Variants in PRKAR2A observed in about 807,000 individuals in gnomAD.
PRKAR2A encodes cAMP-dependent protein kinase type II-alpha regulatory subunit.
PRKAR2A carries 29 observed loss-of-function variants against 51.9 expected under a neutral mutation model. The ratio of observed to expected loss-of-function variants is 0.56; its 90% CI spans 0.42 to 0.76. The LOEUF (loss-of-function observed/expected upper bound fraction) is 0.76, where lower values mean the gene tolerates loss of function less well. Ranked by LOEUF, PRKAR2A falls within the 30% of genes least tolerant of loss-of-function variation. The probability of loss-of-function intolerance (pLI) is 0.00; values close to 1 mark genes in which losing one functional copy is unlikely to be tolerated. For synonymous variants in PRKAR2A, 178 were observed against 186.2 expected, an observed-to-expected ratio of 0.96 and a Z score of 0.36; for missense variants, 445 against 512.1, an observed-to-expected ratio of 0.87 and a Z score of 1.26.
intron 6 of PRKAR2A, 41 bp from the exon 7 acceptor site, chr3:48,765,390 A>C: frequency 7.3e-7 from 1 of 1,369,980 alleles, no homozygotes; most frequent in Non-Finnish European, 1.0e-6. Flanking sequence ...ATGCCTATAT[A>C]CAGGAACATC....
At chr3:48,845,038 A>C (rs971927280) in intron 1 of PRKAR2A, among the ~76,000 whole-genome samples, 1 of 152,180 alleles carries the variant, frequency 6.6e-6, no homozygotes, top group Non-Finnish European at 1.5e-5. Context: ...CTAAAATCCT[A>C]AAGTGTTGTG....
At position 48,791,230 on chromosome 3, in the gene PRKAR2A, T is replaced by C. The variant is rs550769416; in HGVS notation, c.352-603A>G. Among the ~76,000 whole-genome samples, 15 of 122,970 alleles carry C rather than the reference T, an allele frequency of 1.2e-4. No homozygotes were observed. In the East Asian group the frequency reaches 1.6e-3, roughly 13 times the overall value. 80.7% of individuals were successfully genotyped at this position (122,970 alleles called of 152,430 possible). On this transcript the variant is annotated intron_variant, in intron 3 of 10. Coordinates refer to ENST00000265563, the MANE Select transcript of PRKAR2A (RefSeq NM_004157.4). ...TGAACCATGGAGTCGGAGGTTGCAG[T>C]GAGCCAAGATTGTGCCACTGCAGTC...
intron 3 of PRKAR2A, among the ~76,000 whole-genome samples, chr3:48,792,975 G>C (rs1396998667): frequency 6.7e-6 from 1 of 150,304 alleles, no homozygotes; most frequent in Non-Finnish European, 1.5e-5. Context: ...TTGTACAGAA[G>C]TTTAAAACAC....
intron 2 of PRKAR2A, among the ~76,000 whole-genome samples, chr3:48,800,330 C>T (rs1295720252): frequency 1.3e-5 from 2 of 150,858 alleles, no homozygotes; most frequent in Non-Finnish European, 3.0e-5. Flanking sequence ...CTGGCCAATA[C>T]GGCGAAACCC....
At chr3:48,807,876 A>G (rs568800173) in intron 1 of PRKAR2A, among the ~76,000 whole-genome samples, 192 bp from the exon 2 acceptor site, 1 of 152,336 alleles carries the variant, frequency 6.6e-6, no homozygotes, top group South Asian at 2.1e-4. Context: ...TAGGAAATAC[A>G]GTATTTCTTT....
chr3:48,751,417 C>T lies in PRKAR2A; in HGVS notation c.*168G>A. ...TGGAGGTGTGGGTTGAACCTCTGCC[C>T]ATCCTTTAGTGCTGACTTTCAAGTT... On this transcript the variant is annotated 3_prime_UTR_variant, in exon 11 of 11. Transcript: ENST00000265563. 1 of 953,208 alleles carries T rather than the reference C, an allele frequency of 1.0e-6. No homozygotes were observed. Among genetic ancestry groups the T allele is most frequent in the Non-Finnish European group, 1.6e-6 (1 of 611,550 alleles). The allele number at this position is 953,208 out of a possible 1,614,324, so 59.0% of individuals were successfully genotyped here.
At chr3:48,791,383 T>A (rs1260943640) in intron 3 of PRKAR2A, among the ~76,000 whole-genome samples, 2 of 129,086 alleles carry the variant, frequency 1.5e-5, no homozygotes, top group Non-Finnish European at 3.2e-5. Flanking sequence ...GATCACAAGG[T>A]CAGGAGTTTG....
At position 48,829,647 on chromosome 3, in the gene PRKAR2A, T is replaced by TGTGTATAC. The variant is rs1256955596; in HGVS notation, c.262+17687_262+17688insGTATACAC. Reference sequence around the variant, plus strand: ...GTGTGTATACACACACATAAATGTGTGTGTGTATACGTGTGTATACACACA... The same window carrying TGTGTATAC: ...GTGTGTATACACACACATAAATGTGTGTGTATACGTGTGTATACGTGTGTATACACACA... On this transcript the variant is annotated intron_variant, in intron 1 of 10. Transcript: ENST00000265563. Among the ~76,000 whole-genome samples the TGTGTATAC allele has an allele frequency of 1.5e-4, 20 of 135,980 alleles. 2 individuals are homozygous for TGTGTATAC. Among genetic ancestry groups the TGTGTATAC allele is most frequent in the African/African-American group, 4.2e-4 (14 of 33,732 alleles). 89.2% of individuals were successfully genotyped at this position (135,980 alleles called of 152,430 possible).
intron 9 of PRKAR2A, among the ~76,000 whole-genome samples, chr3:48,755,545 G>A (rs926782597): frequency 6.6e-6 from 1 of 151,370 alleles, no homozygotes; most frequent in Admixed American, 6.6e-5. Flanking sequence ...CTCTAACAAG[G>A]AAGCTTTCTT....
chr3:48,775,594 A>G (rs1213502914), intron 5 of PRKAR2A, among the ~76,000 whole-genome samples: 4 of 151,528 alleles, frequency 2.6e-5, no homozygotes, highest in East Asian at 1.9e-4. Flanking sequence ...TTTCTGCAAG[A>G]TAATTAAAAC....
intron 1 of PRKAR2A, among the ~76,000 whole-genome samples, chr3:48,829,866 TA>T (rs1312854120): frequency 1.3e-3 from 103 of 79,870 alleles, no homozygotes; most frequent in African/African-American, 5.8e-3. Context: ...TATATATATA[TA>T]TATATTTTTT....
chr3:48,845,627 A>AC (rs2083449122), intron 1 of PRKAR2A, among the ~76,000 whole-genome samples: 1 of 152,214 alleles, frequency 6.6e-6, no homozygotes, highest in African/African-American at 2.4e-5. Context: ...TAGCTTCTTA[A>AC]CACTCTTGCG....
intron 9 of PRKAR2A, among the ~76,000 whole-genome samples, chr3:48,754,893 G>A (rs1160950800): frequency 6.7e-6 from 1 of 150,176 alleles, no homozygotes; most frequent in Non-Finnish European, 1.5e-5. Flanking sequence ...TTCCAGCCTG[G>A]GCAACAGAGC....
intron 1 of PRKAR2A, among the ~76,000 whole-genome samples, chr3:48,823,106 A>G (rs1416759465): frequency 6.6e-6 from 1 of 151,732 alleles, no homozygotes; most frequent in East Asian, 1.9e-4. Context: ...AGGTCTCACC[A>G]TGTTGTCCAG....
intron 2 of PRKAR2A, among the ~76,000 whole-genome samples, chr3:48,795,363 A>G (rs2082474894): frequency 1.3e-5 from 2 of 152,318 alleles, no homozygotes; most frequent in Admixed American, 1.3e-4. Context: ...GAAGGACCCT[A>G]AAACGAAGTA....
chr3:48,828,121 C>T (rs554871848), intron 1 of PRKAR2A, among the ~76,000 whole-genome samples: 1 of 152,218 alleles, frequency 6.6e-6, no homozygotes, highest in Admixed American at 6.5e-5. Flanking sequence ...CCACCTCTGC[C>T]TCCTAAAGTG....
chr3:48,757,000 G>T (rs1408104145), intron 8 of PRKAR2A, among the ~76,000 whole-genome samples: 1 of 152,148 alleles, frequency 6.6e-6, no homozygotes, highest in Non-Finnish European at 1.5e-5. Flanking sequence ...GTGGGTTTCT[G>T]CCCTGCTATG....
intron 1 of PRKAR2A, among the ~76,000 whole-genome samples, chr3:48,843,355 A>G (rs1280797974): frequency 6.6e-6 from 1 of 151,940 alleles, no homozygotes; most frequent in East Asian, 1.9e-4. Context: ...CTTTCAAAAA[A>G]CCAGCTCCTG....
At chr3:48,772,115 A>G (rs2107254897) in intron 6 of PRKAR2A, among the ~76,000 whole-genome samples, 1 of 152,130 alleles carries the variant, frequency 6.6e-6, no homozygotes, top group East Asian at 1.9e-4. Flanking sequence ...CACCTTTCAG[A>G]GTCTTCCTAT....
Sources: allele counts gnomAD v4.1 joint callset (sites outside exome capture counted in the v4.1 genomes callset), GRCh38; gene constraint gnomAD v4.1.1; transcripts MANE v1.5; gene names NCBI Gene and HGNC (gene_info 2026-07-23, HGNC 2026-07-21).